PLD2: variants seen among roughly 807,000 people sequenced by gnomAD.
The protein encoded by PLD2 is choline phosphatase 2.
A neutral mutation model predicts 119.8 loss-of-function variants in PLD2; 101 were observed. That is an observed-to-expected ratio of 0.84 (90% CI 0.72 to 0.99). The LOEUF is 0.99. Among genes scored for constraint, PLD2 ranks in the 50% least tolerant of loss-of-function variants. The pLI, the probability that PLD2 is intolerant of heterozygous loss-of-function variation, is 0.00. For missense variants in PLD2, 1,164 were observed against 1,226.8 expected, an observed-to-expected ratio of 0.95 and a Z score of 0.76; for synonymous variants, 494 against 482.8, an observed-to-expected ratio of 1.02 and a Z score of -0.30.
Position 4,808,041 on chromosome 17 carries a change from C to T in PLD2, c.167C>T (p.Pro56Leu), listed in dbSNP as rs746932791. 19 of 1,613,120 alleles carry T rather than the reference C, an allele frequency of 1.2e-5. No individual in the cohort carries two copies. Among genetic ancestry groups the T allele is most frequent in the Non-Finnish European group, 1.6e-5 (19 of 1,179,188 alleles). The change falls in exon 3 of 25, where the codon CCC becomes CTC. Residue 56 changes from proline (P) to leucine (L), a missense_variant. Physicochemically the swap from Pro to Leu is moderately conservative, Grantham distance 98. Transcript: ENST00000263088. The surrounding 1 kb of genome is among the most constrained non-coding windows in gnomAD (Gnocchi z 4.1). ...IYELQSLKVH[P>L]LVFAPGVPVT... ...GAGCTTCAGTCTCTGAAAGTGCACC[C>T]CTTGGTGTTCGCACCTGGGGTCCCT...
chr17:4,808,117 G>A lies in PLD2; in HGVS notation c.240+3G>A. The A allele has an allele frequency of 6.2e-7, 1 of 1,605,182 alleles. No individual in the cohort carries two copies. The highest frequency in any genetic ancestry group is 2.2e-5 in the East Asian group (1 of 44,598). ...AAAGATATACCAGCGGATCCAAGGT[G>A]GCCAGACTGGCCCCAGGGAGGGGGA... On this transcript the variant is annotated splice_donor_region_variant and intron_variant, in intron 3 of 24. Transcript: ENST00000263088. The surrounding 1 kb of genome is among the most constrained non-coding windows in gnomAD (Gnocchi z 4.1).
chr17:4,819,119 G>A lies in PLD2; in HGVS notation c.2209G>A (p.Gly737Arg), dbSNP rs762259114. ...ATGGCGGGACTATATTTCCATCTGC[G>A]GGCTTCGTACACACGGAGAGCTGGG... ...TAWRDYISIC[G>R]LRTHGELGGH... Residue 737 changes from glycine to arginine, a missense_variant, in exon 22 of 25, where the codon GGG (glycine) becomes AGG (arginine). Physicochemically the swap from Gly to Arg is moderately radical, Grantham distance 125 (BLOSUM62 -2). Coordinates refer to ENST00000263088, the MANE Select transcript of PLD2 (RefSeq NM_002663.5). The surrounding 1 kb of genome is among the most constrained non-coding windows in gnomAD (Gnocchi z 4.2). The A allele has an allele frequency of 6.2e-6, 10 of 1,614,044 alleles. No homozygotes were observed. The highest frequency in any genetic ancestry group is 2.7e-5 in the African/African-American group (2 of 74,920).
chr17:4,809,055 C>A, intron 4 of PLD2, 45 bp from the exon 5 acceptor site: 1 of 1,459,160 alleles, frequency 6.9e-7, no homozygotes, highest in Non-Finnish European at 9.6e-7. Context: ...ACCAGAGCAC[C>A]CAGCCTCCCA....
Position 4,819,103 on chromosome 17 carries a change from C to T in PLD2, c.2193C>T (p.Asp731=). ...LKAAMGTAWR[D]YISICGLRTH... ...ACGCAGTGGGGACAGCATGGCGGGACTATATTTCCATCTGCGGGCTTCGTA... is the reference window on the plus strand; with the variant it reads ...ACGCAGTGGGGACAGCATGGCGGGATTATATTTCCATCTGCGGGCTTCGTA... Residue 731 remains aspartate (D), a synonymous_variant, in exon 22 of 25, where the codon GAC becomes GAT. Transcript: ENST00000263088. This position sits in a 1 kb window ranked among gnomAD's most constrained non-coding sequence, Gnocchi z 4.2. The T allele has an allele frequency of 6.2e-7, 1 of 1,614,184 alleles. No homozygotes were observed. The highest frequency in any genetic ancestry group is 1.1e-5 in the South Asian group (1 of 91,086).
chr17:4,818,291 C>A lies in PLD2; in HGVS notation c.1921-6C>A, dbSNP rs751327150. 1 of 1,607,324 alleles carries A rather than the reference C, an allele frequency of 6.2e-7. No homozygotes were observed. Among genetic ancestry groups the A allele is most frequent in the Admixed American group, 1.7e-5 (1 of 59,968 alleles). On this transcript the variant is annotated splice_region_variant and splice_polypyrimidine_tract_variant and intron_variant, in intron 18 of 24. Transcript: ENST00000263088. ...TGCTGATGTCTGTCTCTGATTCTTG[C>A]CCCAGAATCAGTTCTTCATTAGCTG... is the stretch of plus-strand genomic sequence containing the variant.
In PLD2 at chr17:4,809,212, C is replaced by T. The variant is rs369355045; in HGVS notation, c.489+7C>T. 2.5e-6 allele frequency: 4 copies of T among 1,613,732 alleles called. No homozygotes were observed. The highest frequency in any genetic ancestry group is 3.4e-6 in the Non-Finnish European group (4 of 1,179,608). On this transcript the variant is annotated splice_region_variant and intron_variant, in intron 5 of 24. Coordinates refer to ENST00000263088, the MANE Select transcript of PLD2 (RefSeq NM_002663.5). ...ACATGCAGCCAGCAAACAGGTGGGA[C>T]CAGATGCCAGGTCCTCCGGGAAGGC...
intron 23 of PLD2, among the ~76,000 whole-genome samples, chr17:4,821,159 C>T (rs1381932402): frequency 2.0e-5 from 3 of 151,854 alleles, no homozygotes; most frequent in Admixed American, 1.3e-4. Flanking sequence ...ATCTCAGCCT[C>T]CCAAAGTGCT....
At chr17:4,816,579 G>T in intron 14 of PLD2, 41 bp from the exon 15 acceptor site, 1 of 1,609,538 alleles carries the variant, frequency 6.2e-7, no homozygotes, top group South Asian at 1.1e-5. Flanking sequence ...ACAGCCCCAT[G>T]ACTTCCCCTT....
intron 17 of PLD2, chr17:4,817,800 T>C: frequency 2.2e-6 from 1 of 456,338 alleles, no homozygotes; most frequent in South Asian, 2.3e-5. Flanking sequence ...CTACTAAAAA[T>C]ACAAAAAATT....
rs751406333 is a variant in PLD2 at position 4,816,611 on chromosome 17, C to G, written c.1456-9C>G. ...CCTTGCCCCTGGCTTGGGTGTGTTC[C>G]CCCTACAGCCTCCCACCCCGCGCCC... On this transcript the variant is annotated splice_polypyrimidine_tract_variant and intron_variant, in intron 14 of 24. Transcript: ENST00000263088. 6.2e-7 allele frequency: 1 copy of G among 1,613,460 alleles called. No individual in the cohort carries two copies. The highest frequency in any genetic ancestry group is 1.7e-5 in the Admixed American group (1 of 59,956).
chr17:4,814,569 G>A, intron 11 of PLD2, 64 bp from the exon 12 acceptor site: 2 of 1,613,000 alleles, frequency 1.2e-6, no homozygotes, highest in South Asian at 2.2e-5. Flanking sequence ...ATTAGGAGGA[G>A]AAGGGGGGTG....
At position 4,819,437 on chromosome 17, in the gene PLD2, A is replaced by G. The variant is rs764270038; in HGVS notation, c.2317A>G (p.Asn773Asp). The change falls in exon 23 of 25, where the codon AAC becomes GAC. Residue 773 changes from asparagine (N) to aspartate (D), a missense_variant. Asn to Asp is a conservative substitution (Grantham distance 23). Coordinates refer to ENST00000263088, the MANE Select transcript of PLD2 (RefSeq NM_002663.5). The surrounding 1 kb of genome is among the most constrained non-coding windows in gnomAD (Gnocchi z 4.2). ...CCCCGCATCCACCCCAGGTTCTGCA[A>G]ACATCAATGACCGGAGCTTGCTGGG... ...DDRTVIIGSANINDRSLLGKR... is the reference protein window; with the variant it reads ...DDRTVIIGSADINDRSLLGKR... 2.5e-6 allele frequency: 4 copies of G among 1,613,706 alleles called. No homozygotes were observed. In the South Asian group the frequency reaches 3.3e-5, roughly 13 times the overall value.
chr17:4,821,201 CAA>C (rs113520474), intron 23 of PLD2, among the ~76,000 whole-genome samples: 4 of 147,212 alleles, frequency 2.7e-5, no homozygotes, highest in African/African-American at 9.9e-5. Flanking sequence ...CGTGCCCGGC[CAA>C]AAAAAAAATC....
chr17:4,811,557 C>T (rs547838221), intron 10 of PLD2, among the ~76,000 whole-genome samples: 7 of 152,220 alleles, frequency 4.6e-5, no homozygotes, highest in Non-Finnish European at 8.8e-5. Flanking sequence ...GGATTACAGG[C>T]GTGAGCCACC....
intron 9 of PLD2, 111 bp downstream of exon 9, chr17:4,810,140 C>T: frequency 9.1e-7 from 1 of 1,101,220 alleles, no homozygotes; most frequent in South Asian, 1.5e-5. Flanking sequence ...TTCCACCTCC[C>T]TGGATCGGGA....
rs375062487 is a variant in PLD2 at position 4,812,545 on chromosome 17, G to A, written c.1010+1594G>A. ...CCTGACTTCGTGATCTGCCCACCTC[G>A]GCCTCCCAAAGTGCTGGGATTACAG... On this transcript the variant is annotated intron_variant, in intron 10 of 24. Transcript: ENST00000263088. 3.3e-4 allele frequency among the ~76,000 whole-genome samples: 50 copies of A among 152,006 alleles called. 2 individuals are homozygous for A. In the South Asian group the frequency reaches 8.3e-3, roughly 25 times the overall value.
Position 4,816,968 on chromosome 17 carries a change from G to A in PLD2, c.1614G>A (p.Met538Ile), listed in dbSNP as rs1358021090. 3.1e-6 allele frequency: 5 copies of A among 1,613,956 alleles called. No individual in the cohort carries two copies. Among genetic ancestry groups the A allele is most frequent in the Non-Finnish European group, 4.2e-6 (5 of 1,179,922 alleles). Residue 538 changes from methionine to isoleucine, a missense_variant, in exon 16 of 25, where the codon ATG becomes ATA. Coordinates refer to ENST00000263088, the MANE Select transcript of PLD2 (RefSeq NM_002663.5). Reference protein sequence around the residue: ...DFIDRETTPRMPWRDVGVVVH... With the variant: ...DFIDRETTPRIPWRDVGVVVH... Reference sequence around the variant, plus strand: ...TTGACAGGGAGACGACCCCTCGGATGCCATGGCGGGACGTTGGGGTGGTCG... The same window carrying A: ...TTGACAGGGAGACGACCCCTCGGATACCATGGCGGGACGTTGGGGTGGTCG...
At position 4,809,158 on chromosome 17, in the gene PLD2, C is replaced by T. The variant is rs778003297; in HGVS notation, c.442C>T (p.Pro148Ser). 2.4e-5 allele frequency: 38 copies of T among 1,614,084 alleles called. No homozygotes were observed. Among genetic ancestry groups the T allele is most frequent in the South Asian group, 6.6e-5 (6 of 91,088 alleles). Residue 148 changes from proline to serine, a missense_variant, in exon 5 of 25, where the codon CCC becomes TCC. Physicochemically the swap from Pro to Ser is moderately conservative, Grantham distance 74. Coordinates refer to ENST00000263088, the MANE Select transcript of PLD2 (RefSeq NM_002663.5). ...AGGCAACAGAGAGATGCCCTCTCTA[C>T]CCCGGGCAGGTCCTGAGGGCTCCAC... The part of the protein sequence containing the change: ...DAGNREMPSL[P>S]RAGPEGSTRH...
At position 4,818,512 on chromosome 17, in the gene PLD2, A is replaced by G. The variant is rs1396360485; in HGVS notation, c.2028A>G (p.Arg676=). ...TCCCCAGACAGGGGTGGTGTTACCGAGTCTACGTGCTTTTGCCCTTACTCC... is the reference window on the plus strand; with the variant it reads ...TCCCCAGACAGGGGTGGTGTTACCGGGTCTACGTGCTTTTGCCCTTACTCC... ...LKAHKQGWCY[R]VYVLLPLLPG... is the part of the protein sequence containing the mutation. The change falls in exon 20 of 25, where the codon CGA becomes CGG. Residue 676 remains arginine (R), a synonymous_variant. Transcript: ENST00000263088. 1 of 1,613,538 alleles carries G rather than the reference A, an allele frequency of 6.2e-7. No individual in the cohort carries two copies. The highest frequency in any genetic ancestry group is 8.5e-7 in the Non-Finnish European group (1 of 1,179,700).
Sources: gnomAD v4.1 joint callset for allele counts (sites outside exome capture counted in the v4.1 genomes callset) on GRCh38, gnomAD v4.1.1 for gene constraint, Gnocchi (gnomAD v3.1) non-coding constraint, MANE v1.5 for transcripts, NCBI Gene and HGNC (gene_info 2026-07-23, HGNC 2026-07-21) for gene names.